Variants in NUCB2 observed in about 807,000 individuals in gnomAD.
The protein encoded by NUCB2 is nucleobindin 2, also known as nucleobindin-2.
A neutral mutation model predicts 57.9 loss-of-function variants in NUCB2; 48 were observed. The observed-to-expected ratio is 0.83, with a 90% CI of 0.66 to 1.05. The LOEUF (loss-of-function observed/expected upper bound fraction) is 1.05, where lower values mean the gene tolerates loss of function less well. Among genes scored for constraint, NUCB2 ranks in the 50% least tolerant of loss-of-function variants. NUCB2 has a pLI of 0.00. For synonymous variants in NUCB2, 139 were observed against 152.1 expected, an observed-to-expected ratio of 0.91 and a Z score of 0.64; for missense variants, 442 against 476.2, an observed-to-expected ratio of 0.93 and a Z score of 0.67.
rs73417239 is a variant in NUCB2, at chr11:17,321,240, C to G, written c.1002+5765C>G. Among the ~76,000 whole-genome samples, 3 of 151,382 alleles carry G rather than the reference C, an allele frequency of 2.0e-5. No individual in the cohort carries two copies. The South Asian group carries it at 6.3e-4, about 32-fold the overall frequency. ...TGGTACCCATTAACTATCCCCACCA[C>G]TCCCCAACTCCACACTTTTCCTAGC... On this transcript the variant is annotated intron_variant, in intron 11 of 13. Transcript: ENST00000529010.
intron 2 of NUCB2, among the ~76,000 whole-genome samples, chr11:17,340,196 G>A (rs1412084879): frequency 6.6e-6 from 1 of 152,064 alleles, no homozygotes; most frequent in Non-Finnish European, 1.5e-5. Flanking sequence ...TTTTTGATGG[G>A]GTTGTTTTTT....
intron 2 of NUCB2, among the ~76,000 whole-genome samples, chr11:17,287,754 C>G (rs1275525702): frequency 6.6e-6 from 1 of 151,686 alleles, no homozygotes; most frequent in Non-Finnish European, 1.5e-5. Flanking sequence ...AATCCCAGCA[C>G]TTTGGGAGGC....
chr11:17,283,082 A>G (rs1175929757), intron 2 of NUCB2, 139 bp downstream of exon 2: 1 of 152,254 alleles, frequency 6.6e-6, no homozygotes, highest in East Asian at 1.9e-4. Flanking sequence ...ATATAAAATA[A>G]TAATTGAAAT....
chr11:17,339,492 C>G, intron 2 of NUCB2, among the ~76,000 whole-genome samples: 1 of 111,658 alleles, frequency 9.0e-6, no homozygotes, highest in African/African-American at 3.4e-5. Context: ...CTAATGCTAT[C>G]CCTCCCCCCT....
chr11:17,314,768 T>C (rs1949001376), intron 10 of NUCB2, among the ~76,000 whole-genome samples: 1 of 152,214 alleles, frequency 6.6e-6, no homozygotes, highest in Non-Finnish European at 1.5e-5. Flanking sequence ...TTTTGAGTGG[T>C]AAATGCTAAA....
intron 4 of NUCB2, among the ~76,000 whole-genome samples, chr11:17,298,018 G>A (rs762070408): frequency 1.3e-5 from 2 of 150,476 alleles, no homozygotes; most frequent in Non-Finnish European, 2.9e-5. Flanking sequence ...GGCGGCAGAG[G>A]TTGCAGTGAG....
At chr11:17,309,270 A>G (rs1049082175) in intron 5 of NUCB2, among the ~76,000 whole-genome samples, 1 of 152,116 alleles carries the variant, frequency 6.6e-6, no homozygotes, top group Non-Finnish European at 1.5e-5. Context: ...GCAGTGATCC[A>G]TGATTGCACC....
rs531273895 is a variant in NUCB2 at position 17,315,958 on chromosome 11, GTTGT to G, written c.1002+494_1002+497del. 2.3e-3 allele frequency among the ~76,000 whole-genome samples: 352 copies of G among 151,862 alleles called. 1 individual carries two copies. Among genetic ancestry groups the G allele is most frequent in the African/African-American group, 8.0e-3 (330 of 41,470 alleles). On this transcript the variant is annotated intron_variant, in intron 11 of 13. Coordinates refer to ENST00000529010, the MANE Select transcript of NUCB2 (RefSeq NM_005013.4). ...TATTCATATTTATGTGTTTTTTGTT[GTTGT>G]TTGTTTGTTTTTTGTTTTTTTGTTT... is the stretch of plus-strand genomic sequence containing the variant.
At chr11:17,321,769 C>T (rs1489309953) in intron 11 of NUCB2, among the ~76,000 whole-genome samples, 1 of 151,896 alleles carries the variant, frequency 6.6e-6, no homozygotes, top group Non-Finnish European at 1.5e-5. Flanking sequence ...TTTGTTATTG[C>T]CTGTCTTTTG....
chr11:17,323,560 G>C (rs1950293009), intron 11 of NUCB2, among the ~76,000 whole-genome samples: 1 of 152,120 alleles, frequency 6.6e-6, no homozygotes, highest in African/African-American at 2.4e-5. Flanking sequence ...GTCTGGTTTT[G>C]GTATCAGGGT....
At chr11:17,310,301 G>C (rs181345437) in intron 6 of NUCB2, among the ~76,000 whole-genome samples, 69 of 151,914 alleles carry the variant, frequency 4.5e-4, no homozygotes, top group African/African-American at 1.5e-3. Context: ...GTTGGGGCTA[G>C]CTTTGAACTT....
chr11:17,339,455 C>T (rs1309254379), intron 2 of NUCB2, among the ~76,000 whole-genome samples: 1 of 151,474 alleles, frequency 6.6e-6, no homozygotes, highest in Admixed American at 6.6e-5. Context: ...CACCCATTAA[C>T]TCGTCATTTA....
At chr11:17,317,752 T>A (rs1197792452) in intron 11 of NUCB2, 1 of 191,376 alleles carries the variant, frequency 5.2e-6, no homozygotes, top group Non-Finnish European at 1.1e-5. Flanking sequence ...TCTACCAGAT[T>A]TTTTTATGTA....
At chr11:17,278,996 C>T (rs1422399251) in intron 1 of NUCB2, among the ~76,000 whole-genome samples, 1 of 152,110 alleles carries the variant, frequency 6.6e-6, no homozygotes, top group Non-Finnish European at 1.5e-5. Context: ...AGTTCAAGAC[C>T]AGCCTGGCCA....
intron 6 of NUCB2, 103 bp from the exon 7 acceptor site, chr11:17,310,722 C>T (rs955634447): frequency 1.7e-5 from 14 of 837,856 alleles, no homozygotes; most frequent in Non-Finnish European, 2.6e-5. Context: ...TTTTGCCCTC[C>T]CGTACCACTT....
chr11:17,332,580 ACCATG>A, downstream of NUCB2: 1 of 146,746 alleles, frequency 6.8e-6, no homozygotes, highest in East Asian at 2.0e-4. Flanking sequence ...TAGATGAAAG[ACCATG>A]CTATCTGGAG....
downstream of NUCB2, among the ~76,000 whole-genome samples, chr11:17,337,023 C>G (rs72863699): frequency 0.045 from 6,828 of 151,814 alleles, 290 homozygotes; most frequent in Admixed American, 0.14. Flanking sequence ...TCACTATAGT[C>G]TCGAACTTCT....
intron 4 of NUCB2, among the ~76,000 whole-genome samples, chr11:17,300,176 A>G (rs1051453878): frequency 3.3e-5 from 5 of 151,952 alleles, no homozygotes; most frequent in Non-Finnish European, 7.4e-5. Context: ...ACACCTGGCT[A>G]ATTTTTGTAT....
Position 17,301,268 on chromosome 11 carries a change from T to A in NUCB2, c.253-476T>A, listed in dbSNP as rs1415159678. ...GATTACAGGCGTGAGCCACCGCGCC[T>A]GGCCTTTTTTTTTTTTTTTTTTTTT... is the stretch of plus-strand genomic sequence containing the variant. On this transcript the variant is annotated intron_variant, in intron 4 of 13. Transcript: ENST00000529010. Among the ~76,000 whole-genome samples the A allele has an allele frequency of 3.6e-5, 4 of 111,340 alleles. No individual in the cohort carries two copies. In the Admixed American group the frequency reaches 3.9e-4, roughly 11 times the overall value. The allele number at this position is 111,340 out of a possible 152,430, so 73.0% of individuals were successfully genotyped here.
Sources: gnomAD v4.1 joint callset for allele counts (sites outside exome capture counted in the v4.1 genomes callset) on GRCh38, gnomAD v4.1.1 for gene constraint, MANE v1.5 for transcripts, NCBI Gene and HGNC (gene_info 2026-07-23, HGNC 2026-07-21) for gene names.